Variants in CENPP observed in about 807,000 individuals in gnomAD.
The protein encoded by CENPP is centromere protein P.
CENPP carries 24 observed loss-of-function variants against 35.6 expected under a neutral mutation model. The observed-to-expected ratio is 0.67, with a 90% CI of 0.49 to 0.95. The LOEUF (loss-of-function observed/expected upper bound fraction) is 0.95. Among genes scored for constraint, CENPP ranks in the 40% least tolerant of loss-of-function variants. CENPP has a pLI of 0.00. For synonymous variants in CENPP, 120 were observed against 125.5 expected (o/e 0.96, Z 0.29); for missense variants, 332 against 345.3 (o/e 0.96, Z 0.31).
chr9:92,607,462 G>T (rs951158232), intron 5 of CENPP, among the ~76,000 whole-genome samples: 1 of 152,178 alleles, frequency 6.6e-6, no homozygotes, highest in South Asian at 2.1e-4. Context: ...CATTTAGGGG[G>T]TGATGAAATG....
At chr9:92,398,048 C>T (rs942627047) in intron 5 of CENPP, among the ~76,000 whole-genome samples, 4 of 152,118 alleles carry the variant, frequency 2.6e-5, no homozygotes, top group African/African-American at 4.8e-5. Flanking sequence ...TCATTATTTA[C>T]GTATATTTAC....
intron 5 of CENPP, among the ~76,000 whole-genome samples, chr9:92,484,713 A>G (rs891416170): frequency 6.6e-6 from 1 of 151,958 alleles, no homozygotes; most frequent in African/African-American, 2.4e-5. Flanking sequence ...TCTCTTCTAT[A>G]CTCACAGGAT....
intron 5 of CENPP, among the ~76,000 whole-genome samples, chr9:92,395,797 C>T (rs1286575944): frequency 2.0e-5 from 3 of 150,730 alleles, no homozygotes; most frequent in Non-Finnish European, 4.4e-5. Flanking sequence ...GCTTGTTTGG[C>T]ATCCATATAT....
intron 5 of CENPP, among the ~76,000 whole-genome samples, chr9:92,391,250 A>T (rs1430140530): frequency 6.6e-6 from 1 of 151,670 alleles, no homozygotes; most frequent in Non-Finnish European, 1.5e-5. Context: ...CCAAAAAAAA[A>T]AAAAAAATTA....
At chr9:92,559,541 AT>A (rs1297580448) in intron 5 of CENPP, among the ~76,000 whole-genome samples, 1 of 152,000 alleles carries the variant, frequency 6.6e-6, no homozygotes, top group Non-Finnish European at 1.5e-5. Context: ...GGGATTGCCA[AT>A]TTATTCTTGC....
intron 5 of CENPP, among the ~76,000 whole-genome samples, chr9:92,431,820 A>G (rs997204169): frequency 6.6e-6 from 1 of 151,790 alleles, no homozygotes; most frequent in Non-Finnish European, 1.5e-5. Context: ...TGATCTGCCC[A>G]CCTCAGCCTC....
At chr9:92,552,285 A>C (rs971559871) in intron 5 of CENPP, among the ~76,000 whole-genome samples, 4 of 151,532 alleles carry the variant, frequency 2.6e-5, no homozygotes, top group Admixed American at 2.6e-4. Context: ...TGCAACTGTG[A>C]ATTGTGCTGC....
intron 3 of CENPP, among the ~76,000 whole-genome samples, chr9:92,343,236 A>C (rs1841176378): frequency 6.6e-6 from 1 of 152,190 alleles, no homozygotes; most frequent in South Asian, 2.1e-4. Context: ...ATTATTTTAT[A>C]AGTAAATGGA....
chr9:92,599,062 T>C (rs1850846782), intron 5 of CENPP, among the ~76,000 whole-genome samples: 1 of 151,424 alleles, frequency 6.6e-6, no homozygotes, highest in Non-Finnish European at 1.5e-5. Flanking sequence ...ATCGCACCAC[T>C]GCACTCCAGC....
At chr9:92,450,676 C>T (rs1180456970) in intron 5 of CENPP, among the ~76,000 whole-genome samples, 2 of 152,146 alleles carry the variant, frequency 1.3e-5, no homozygotes, top group Non-Finnish European at 2.9e-5. Flanking sequence ...GCCACACTGA[C>T]TTCCACAATG....
chr9:92,341,555 G>A (rs903472561), intron 3 of CENPP: 1 of 152,216 alleles, frequency 6.6e-6, no homozygotes, highest in African/African-American at 2.4e-5. Flanking sequence ...ATGAACCTAT[G>A]TGATTATTGG....
chr9:92,402,809 A>G (rs1843172544), intron 5 of CENPP, among the ~76,000 whole-genome samples: 3 of 152,150 alleles, frequency 2.0e-5, no homozygotes, highest in Admixed American at 1.3e-4. Context: ...TCTTCTATGT[A>G]TTTTCTTCAA....
chr9:92,434,281 C>T (rs555760448), intron 5 of CENPP, among the ~76,000 whole-genome samples: 10 of 150,334 alleles, frequency 6.7e-5, no homozygotes, highest in East Asian at 2.0e-4. Flanking sequence ...CCCAGCCACT[C>T]GGGAGGCTGA....
chr9:92,461,926 A>AT (rs1034411638), intron 5 of CENPP, among the ~76,000 whole-genome samples: 2 of 152,002 alleles, frequency 1.3e-5, no homozygotes, highest in African/African-American at 2.4e-5. Flanking sequence ...ATAAACACGG[A>AT]TTTTTACCCT....
At chr9:92,551,879 TA>T (rs1258890388) in intron 5 of CENPP, among the ~76,000 whole-genome samples, 2 of 146,390 alleles carry the variant, frequency 1.4e-5, no homozygotes, top group African/African-American at 5.0e-5. Flanking sequence ...TATGGAGCCA[TA>T]AAAAGGAATG....
At chr9:92,361,450 T>G (rs1244526549) in intron 4 of CENPP, among the ~76,000 whole-genome samples, 1 of 16,362 alleles carries the variant, frequency 6.1e-5, no homozygotes, top group African/African-American at 1.7e-4. Flanking sequence ...CTTATTTTAT[T>G]TTATTTTATT....
intron 5 of CENPP, among the ~76,000 whole-genome samples, chr9:92,582,900 A>G (rs1344446339): frequency 6.6e-6 from 1 of 152,082 alleles, no homozygotes; most frequent in Admixed American, 6.6e-5. Flanking sequence ...CAGATTCTCT[A>G]TCTTGCTTTC....
rs1588322776 is a variant in CENPP, at chr9:92,613,732, T to TAAGACAGCA, written c.*593_*601dup. On this transcript the variant is annotated 3_prime_UTR_variant, in exon 8 of 8. Coordinates refer to ENST00000375587, the MANE Select transcript of CENPP (RefSeq NM_001012267.3). ...TGTCAGCTTAATAACAAGAATGGCC[T>TAAGACAGCA]AAGACAGCAAAGACAGCACTGTTCC... 1 of 156,718 alleles carries TAAGACAGCA rather than the reference T, an allele frequency of 6.4e-6. No homozygotes were observed. Among genetic ancestry groups the TAAGACAGCA allele is most frequent in the Non-Finnish European group, 1.4e-5 (1 of 70,468 alleles). 9.7% of individuals were successfully genotyped at this position (156,718 alleles called of 1,614,324 possible). A position where few individuals can be genotyped will look rare whatever the true frequency, so the allele number is the denominator to read the frequency against.
At chr9:92,487,690 C>T (rs1359539381) in intron 5 of CENPP, among the ~76,000 whole-genome samples, 1 of 152,044 alleles carries the variant, frequency 6.6e-6, no homozygotes, top group Non-Finnish European at 1.5e-5. Flanking sequence ...GACATGGTGG[C>T]ACACACCTAT....
Sources: allele counts gnomAD v4.1 joint callset (sites outside exome capture counted in the v4.1 genomes callset), GRCh38; gene constraint gnomAD v4.1.1; transcripts MANE v1.5; gene names NCBI Gene and HGNC (gene_info 2026-07-23, HGNC 2026-07-21).